Variants in ELFN1 observed in about 807,000 individuals in gnomAD.
The protein encoded by ELFN1 is protein ELFN1.
A neutral mutation model predicts 7.6 loss-of-function variants in ELFN1; 6 were observed. That is an observed-to-expected ratio of 0.79 (90% CI 0.43 to 1.56). The LOEUF is 1.56. ELFN1 is among the 40% of genes most tolerant of loss of function. ELFN1 has a pLI of 0.01. For synonymous variants in ELFN1, 657 were observed against 588.1 expected (o/e 1.12, Z -1.70); for missense variants, 1,169 against 1,232.2 (o/e 0.95, Z 0.77).
chr7:1,703,381 T>C (rs770752949), intron 2 of ELFN1, among the ~76,000 whole-genome samples: 1 of 152,238 alleles, frequency 6.6e-6, no homozygotes, highest in East Asian at 1.9e-4. Flanking sequence ...CTTATTTTTA[T>C]TTGGTCAAAT....
intron 2 of ELFN1, among the ~76,000 whole-genome samples, chr7:1,706,781 C>T (rs773844227): frequency 6.6e-5 from 10 of 152,234 alleles, no homozygotes; most frequent in Non-Finnish European, 1.3e-4. Context: ...TGAGTGGGCC[C>T]CTGCACCCCA....
At chr7:1,722,015 C>T (rs562124205) in intron 3 of ELFN1, among the ~76,000 whole-genome samples, 22 of 152,270 alleles carry the variant, frequency 1.4e-4, no homozygotes, top group Middle Eastern at 3.4e-3. Flanking sequence ...GCGAAGTGGA[C>T]GGTCTTCTGC....
At chr7:1,684,365 C>T (rs1779025565) in intron 1 of ELFN1, among the ~76,000 whole-genome samples, 1 of 152,070 alleles carries the variant, frequency 6.6e-6, no homozygotes, top group Non-Finnish European at 1.5e-5. Flanking sequence ...CCACCTTCTT[C>T]CCCCCATAAT....
At chr7:1,693,458 T>G (rs1449112363) in intron 2 of ELFN1, 3 of 471,218 alleles carry the variant, frequency 6.4e-6, no homozygotes, top group South Asian at 4.6e-5. Context: ...GACTGCCTGG[T>G]GCACCCAGAC....
At chr7:1,718,357 T>C (rs371049736) in intron 3 of ELFN1, among the ~76,000 whole-genome samples, 2 of 152,184 alleles carry the variant, frequency 1.3e-5, no homozygotes, top group Non-Finnish European at 2.9e-5. Context: ...CTGGACACCC[T>C]GGGGCCGCAG....
In ELFN1 at chr7:1,677,193, C is replaced by T. The variant is rs368743084; in HGVS notation, c.-549+6839C>T. Among the ~76,000 whole-genome samples, 8 of 152,272 alleles carry T rather than the reference C, an allele frequency of 5.3e-5. No individual in the cohort carries two copies. In the South Asian group the frequency reaches 1.5e-3, roughly 28 times the overall value. The stretch of plus-strand genomic sequence containing the variant: ...CCGTCCTGTGGAGAGGAAGGTTGTG[C>T]GAAGCAAGTCCTGCTTCCCTTTGAC... On this transcript the variant is annotated intron_variant, in intron 1 of 3. Coordinates refer to ENST00000424383, the MANE Select transcript of ELFN1 (RefSeq NM_001128636.4).
upstream of ELFN1, among the ~76,000 whole-genome samples, chr7:1,668,724 GTATC>G (rs1235090108): frequency 2.6e-5 from 4 of 152,230 alleles, no homozygotes; most frequent in Non-Finnish European, 5.9e-5. Flanking sequence ...CAGGCTTGCA[GTATC>G]TATCTGGTGG....
intron 1 of ELFN1, among the ~76,000 whole-genome samples, chr7:1,678,972 C>G (rs1466876163): frequency 6.6e-6 from 1 of 152,130 alleles, no homozygotes; most frequent in Non-Finnish European, 1.5e-5. Context: ...CCCCGAGGAA[C>G]TGGCCTTGGG....
chr7:1,745,139 G>A lies in ELFN1; in HGVS notation c.543G>A (p.Lys181=), dbSNP rs1255966895. The change falls in exon 4 of 4, where the codon AAG becomes AAA. Residue 181 remains lysine (K), a synonymous_variant. Transcript: ENST00000424383. ...LNSGTFAGLA[K]LSVCELYSNP... is the part of the protein sequence containing the mutation. ...GCGGCACCTTCGCCGGCCTGGCCAAGCTGTCGGTGTGCGAGCTCTACAGCA... is the reference window on the plus strand; with the variant it reads ...GCGGCACCTTCGCCGGCCTGGCCAAACTGTCGGTGTGCGAGCTCTACAGCA... 1 of 1,550,590 alleles carries A rather than the reference G, an allele frequency of 6.4e-7. No individual in the cohort carries two copies. Among genetic ancestry groups the A allele is most frequent in the Non-Finnish European group, 8.7e-7 (1 of 1,146,998 alleles).
At chr7:1,693,300 T>C in intron 2 of ELFN1, 1 of 456,498 alleles carries the variant, frequency 2.2e-6, no homozygotes, top group Non-Finnish European at 4.6e-6. Context: ...GGAACGCCCA[T>C]CGGGGCAGCC....
upstream of ELFN1, among the ~76,000 whole-genome samples, chr7:1,668,060 C>T (rs1778699135): frequency 6.6e-6 from 1 of 152,156 alleles, no homozygotes; most frequent in Non-Finnish European, 1.5e-5. Context: ...GTTTCGCTCT[C>T]TGCTGGGGTC....
Position 1,673,761 on chromosome 7 carries a change from C to T in ELFN1, c.-549+3407C>T, listed in dbSNP as rs1778813646. Among the ~76,000 whole-genome samples the T allele has an allele frequency of 6.6e-6, 1 of 151,330 alleles. No individual in the cohort carries two copies. The highest frequency in any genetic ancestry group is 6.6e-5 in the Admixed American group (1 of 15,262). On this transcript the variant is annotated intron_variant, in intron 1 of 3. Transcript: ENST00000424383. This position sits in a 1 kb window ranked among gnomAD's most constrained non-coding sequence, Gnocchi z 4.7. ...TCCTTTCCCTCGGAGATCAGCCGGTCCAGCCCCTGAAGATGGTCCAGCCGG... is the reference window on the plus strand; with the variant it reads ...TCCTTTCCCTCGGAGATCAGCCGGTTCAGCCCCTGAAGATGGTCCAGCCGG...
chr7:1,733,856 G>C (rs1162318035), intron 3 of ELFN1, among the ~76,000 whole-genome samples: 1 of 152,112 alleles, frequency 6.6e-6, no homozygotes, highest in Non-Finnish European at 1.5e-5. Context: ...TGCGCCTGGG[G>C]AGAGGGGAGC....
Position 1,744,596 on chromosome 7 carries a change from G to A in ELFN1, c.-1G>A, listed in dbSNP as rs752800060. On this transcript the variant is annotated 5_prime_UTR_variant, in exon 4 of 4. Coordinates refer to ENST00000424383, the MANE Select transcript of ELFN1 (RefSeq NM_001128636.4). ...TTGGGGCTCCCTGCAGGGCGGTCCCGATGGCCGGGCGTGGGTGGGGCGCGC... is the reference window on the plus strand; with the variant it reads ...TTGGGGCTCCCTGCAGGGCGGTCCCAATGGCCGGGCGTGGGTGGGGCGCGC... The A allele has an allele frequency of 2.4e-4, 357 of 1,511,586 alleles. 1 individual carries two copies. The highest frequency in any genetic ancestry group is 2.8e-4 in the Non-Finnish European group (313 of 1,131,442). 93.6% of individuals were successfully genotyped at this position (1,511,586 alleles called of 1,614,324 possible). A position where few individuals can be genotyped will look rare whatever the true frequency, so the allele number is the denominator to read the frequency against.
intron 2 of ELFN1, among the ~76,000 whole-genome samples, chr7:1,696,304 GAA>G (rs1416494074): frequency 1.3e-5 from 2 of 151,528 alleles, no homozygotes. Flanking sequence ...GAGGGAGAGA[GAA>G]AGAGGGAGGG....
At chr7:1,725,940 A>G (rs962917805) in intron 3 of ELFN1, among the ~76,000 whole-genome samples, 1 of 146,372 alleles carries the variant, frequency 6.8e-6, no homozygotes, top group African/African-American at 2.7e-5. Flanking sequence ...GCACTCACAA[A>G]TACACACGCA....
upstream of ELFN1, among the ~76,000 whole-genome samples, chr7:1,669,731 G>T (rs993395619): frequency 6.6e-6 from 1 of 152,190 alleles, no homozygotes; most frequent in Non-Finnish European, 1.5e-5. Context: ...TGCGCCCTGC[G>T]TTCTCCGCCC....
intron 1 of ELFN1, among the ~76,000 whole-genome samples, chr7:1,671,738 C>T (rs2128572657): frequency 6.6e-6 from 1 of 152,354 alleles, no homozygotes; most frequent in Non-Finnish European, 1.5e-5. Flanking sequence ...GGTCCCTGCC[C>T]CTGCCACCTT....
chr7:1,729,231 C>T (rs933267235), intron 3 of ELFN1, among the ~76,000 whole-genome samples: 2 of 152,212 alleles, frequency 1.3e-5, no homozygotes, highest in Non-Finnish European at 2.9e-5. Flanking sequence ...AGGCCTGGGG[C>T]TCCCCACCCA....
Sources: gnomAD v4.1 joint callset for allele counts (sites outside exome capture counted in the v4.1 genomes callset) on GRCh38, gnomAD v4.1.1 for gene constraint, Gnocchi (gnomAD v3.1) non-coding constraint, MANE v1.5 for transcripts, NCBI Gene and HGNC (gene_info 2026-07-23, HGNC 2026-07-21) for gene names.